LRRC49: variants seen among roughly 807,000 people sequenced by gnomAD.
LRRC49 encodes leucine-rich repeat-containing protein 49.
Under a neutral mutation model 83.3 loss-of-function variants are expected in LRRC49, and 50 were observed. The observed-to-expected ratio is 0.60, with a 90% CI of 0.48 to 0.76. The LOEUF is 0.76. LRRC49 is among the 30% of genes least tolerant of loss of function. The probability of loss-of-function intolerance (pLI) is 0.00; values close to 1 mark genes in which losing one functional copy is unlikely to be tolerated. For missense variants in LRRC49, 704 were observed against 809.1 expected (o/e 0.87, Z 1.58); for synonymous variants, 286 against 283.3 (o/e 1.01, Z -0.10).
intron 1 of LRRC49, among the ~76,000 whole-genome samples, chr15:70,866,490 C>T (rs866055307): frequency 1.3e-5 from 2 of 152,140 alleles, no homozygotes. Context: ...CTGGTAATTT[C>T]CATACCCCTG....
chr15:71,041,212 GACAGGACTAGAAC>G (rs1366193129), intron 15 of LRRC49, among the ~76,000 whole-genome samples: 1 of 152,160 alleles, frequency 6.6e-6, no homozygotes, highest in Non-Finnish European at 1.5e-5. Flanking sequence ...TAATTTGTTA[GACAGGACTAGAAC>G]ACCAGTGCAT....
Position 70,895,925 on chromosome 15 carries a change from C to T in LRRC49, c.182C>T (p.Ser61Leu), listed in dbSNP as rs1442404123. The change falls in exon 3 of 16, where the codon TCA becomes TTA. Residue 61 changes from serine to leucine, a missense_variant. Transcript: ENST00000260382. ...LLQHDLERNY[S>L]SRQGDHINLV... is the part of the protein sequence containing the mutation. Reference sequence around the variant, plus strand: ...CAACATGACCTTGAAAGAAACTACTCAAGTAGGCAAGGTATTGTCAGTGAA... The same window carrying T: ...CAACATGACCTTGAAAGAAACTACTTAAGTAGGCAAGGTATTGTCAGTGAA... The T allele has an allele frequency of 6.3e-7, 1 of 1,596,426 alleles. No individual in the cohort carries two copies. Among genetic ancestry groups the T allele is most frequent in the Admixed American group, 1.7e-5 (1 of 59,492 alleles).
At chr15:71,011,727 T>A (rs901007588) in intron 13 of LRRC49, among the ~76,000 whole-genome samples, 2 of 152,078 alleles carry the variant, frequency 1.3e-5, no homozygotes, top group African/African-American at 4.8e-5. Context: ...CACTACTTAG[T>A]TATTAGCTAA....
At chr15:71,006,534 A>G (rs887533722) in intron 11 of LRRC49, among the ~76,000 whole-genome samples, 4 of 152,096 alleles carry the variant, frequency 2.6e-5, no homozygotes, top group African/African-American at 9.7e-5. Flanking sequence ...CTGAAACTAT[A>G]GCTTATGGTT....
rs1166320117 is a variant in LRRC49, at chr15:70,904,754, A to G, written c.499A>G (p.Arg167Gly). The G allele has an allele frequency of 6.2e-7, 1 of 1,609,932 alleles. No homozygotes were observed. Among genetic ancestry groups the G allele is most frequent in the South Asian group, 1.1e-5 (1 of 90,574 alleles). Residue 167 changes from arginine to glycine, a missense_variant and splice_region_variant, in exon 5 of 16, where the codon AGA becomes GGA. By Grantham distance (125) the Arg-to-Gly change is moderately radical. This residue lies in a region of LRRC49 where 261 missense variants were observed against 330.5 expected (regional missense o/e 0.79). Transcript: ENST00000260382. ...TCGTGTCCTTCTGTTGGGGAAAAACAGGTATTCTTTGTAGAGCAGTTTTTG... is the reference window on the plus strand; with the variant it reads ...TCGTGTCCTTCTGTTGGGGAAAAACGGGTATTCTTTGTAGAGCAGTTTTTG... ...CLRVLLLGKNRIKKISNLENL... is the reference protein window; with the variant it reads ...CLRVLLLGKNGIKKISNLENL...
At chr15:71,042,267 G>T (rs1362957835) in intron 15 of LRRC49, among the ~76,000 whole-genome samples, 1 of 152,114 alleles carries the variant, frequency 6.6e-6, no homozygotes, top group African/African-American at 2.4e-5. Flanking sequence ...GAAACTACAG[G>T]CATGCAGATT....
At chr15:70,973,467 C>A (rs1158974808) in intron 9 of LRRC49, among the ~76,000 whole-genome samples, 1 of 152,168 alleles carries the variant, frequency 6.6e-6, no homozygotes, top group Non-Finnish European at 1.5e-5. Flanking sequence ...GGGTCAGGGA[C>A]CCACTTGAGG....
chr15:70,951,466 A>T (rs1271411246), intron 8 of LRRC49, among the ~76,000 whole-genome samples: 2 of 152,012 alleles, frequency 1.3e-5, no homozygotes, highest in Non-Finnish European at 2.9e-5. Flanking sequence ...CTCATTGTAG[A>T]CATCTTTCCC....
intron 11 of LRRC49, chr15:70,984,474 G>A: frequency 2.5e-6 from 1 of 399,140 alleles, no homozygotes; most frequent in Non-Finnish European, 4.4e-6. Context: ...TTTTTATAGG[G>A]AAAAGTCTAG....
intron 13 of LRRC49, among the ~76,000 whole-genome samples, chr15:71,012,458 TC>T (rs1765897613): frequency 6.6e-6 from 1 of 151,922 alleles, no homozygotes; most frequent in East Asian, 1.9e-4. Flanking sequence ...GGGAATTTTT[TC>T]CTCTAAATCA....
rs575444229 is a variant in LRRC49 at position 71,030,687 on chromosome 15, A to C, written c.1704-6492A>C. Among the ~76,000 whole-genome samples the C allele has an allele frequency of 6.6e-5, 10 of 151,918 alleles. 1 individual carries two copies. Among genetic ancestry groups the C allele is most frequent in the Admixed American group, 3.3e-4 (5 of 15,248 alleles). ...GTAGGTTTGGTCTTTTCATATAGTC[A>C]CATATTTCTTGGAGGCTTTGTTCAT... On this transcript the variant is annotated intron_variant, in intron 14 of 15. Transcript: ENST00000260382.
chr15:71,013,496 A>G (rs1049228350), intron 14 of LRRC49, among the ~76,000 whole-genome samples: 2 of 152,232 alleles, frequency 1.3e-5, no homozygotes, highest in Non-Finnish European at 2.9e-5. Context: ...AAAGGCTGCC[A>G]TTTGAGCAGG....
At chr15:70,886,628 G>T (rs1294494712) in intron 2 of LRRC49, among the ~76,000 whole-genome samples, 2 of 152,306 alleles carry the variant, frequency 1.3e-5, no homozygotes, top group East Asian at 3.9e-4. Flanking sequence ...AGCACTTTGG[G>T]AGGCTAAGGC....
intron 12 of LRRC49, 43 bp downstream of exon 12, chr15:71,008,659 A>T (rs766991482): frequency 2.1e-6 from 3 of 1,427,310 alleles, no homozygotes; most frequent in Non-Finnish European, 2.9e-6. Context: ...ATTCTTAGTC[A>T]ATGACTTGTG....
chr15:71,010,443 A>G (rs891955238), intron 13 of LRRC49, among the ~76,000 whole-genome samples: 2 of 151,970 alleles, frequency 1.3e-5, no homozygotes, highest in Non-Finnish European at 2.9e-5. Context: ...TGGAAAAAAA[A>G]GGGGAGGAAG....
intron 9 of LRRC49, among the ~76,000 whole-genome samples, chr15:70,977,689 G>A (rs1000181472): frequency 3.3e-5 from 5 of 152,032 alleles, no homozygotes; most frequent in African/African-American, 1.2e-4. Flanking sequence ...TATTGTAAAA[G>A]ACACTTTAAA....
chr15:71,051,510 T>C lies in LRRC49; in HGVS notation c.*1898T>C, dbSNP rs1450369397. On this transcript the variant is annotated 3_prime_UTR_variant, in exon 16 of 16. Coordinates refer to ENST00000260382, the MANE Select transcript of LRRC49 (RefSeq NM_017691.5). ...AAATGAGATCCCAGCTTGAAGGTGA[T>C]GTTGAGAGGAGAACCAAGAGTATAT... The C allele has an allele frequency of 6.6e-6, 1 of 152,266 alleles. No homozygotes were observed. The highest frequency in any genetic ancestry group is 1.5e-5 in the Non-Finnish European group (1 of 68,092). 9.4% of individuals were successfully genotyped at this position (152,266 alleles called of 1,614,324 possible). A position where few individuals can be genotyped will look rare whatever the true frequency, so the allele number is the denominator to read the frequency against.
chr15:70,989,867 C>CT, intron 11 of LRRC49, among the ~76,000 whole-genome samples: 1 of 152,180 alleles, frequency 6.6e-6, no homozygotes, highest in Non-Finnish European at 1.5e-5. Flanking sequence ...CCCTCAGCTG[C>CT]AGGTTTGTTG....
chr15:70,950,759 T>A (rs1567066455), intron 8 of LRRC49, among the ~76,000 whole-genome samples: 1 of 152,204 alleles, frequency 6.6e-6, no homozygotes, highest in Non-Finnish European at 1.5e-5. Flanking sequence ...AGCTGTTTAG[T>A]TTAATTAGGT....
Sources: gnomAD v4.1 joint callset for allele counts (sites outside exome capture counted in the v4.1 genomes callset) on GRCh38, gnomAD v4.1.1 for gene constraint, gnomAD v4.1.1 regional missense constraint, MANE v1.5 for transcripts, NCBI Gene and HGNC (gene_info 2026-07-23, HGNC 2026-07-21) for gene names.